BICC1: variants seen among roughly 807,000 people sequenced by gnomAD.
BICC1 encodes the protein BicC family RNA binding protein 1.
In BICC1, 43 loss-of-function variants were observed where a neutral mutation model predicts 111.0. The observed-to-expected ratio is 0.39, with a 90% confidence interval of 0.30 to 0.50. BICC1 has a LOEUF of 0.50. Ranked by LOEUF, BICC1 falls within the 20% of genes least tolerant of loss-of-function variation. The pLI is 0.88. For synonymous variants in BICC1, 467 were observed against 434.4 expected, an observed-to-expected ratio of 1.07 and a Z score of -0.93; for missense variants, 1,091 against 1,203.2, an observed-to-expected ratio of 0.91 and a Z score of 1.38.
intron 1 of BICC1, among the ~76,000 whole-genome samples, chr10:58,535,084 A>G (rs1439175736): frequency 6.6e-6 from 1 of 151,776 alleles, no homozygotes; most frequent in Non-Finnish European, 1.5e-5. Flanking sequence ...TCCAAGAAAT[A>G]TGGGATTATG....
intron 1 of BICC1, among the ~76,000 whole-genome samples, chr10:58,546,409 G>T (rs1843138064): frequency 6.6e-6 from 1 of 152,172 alleles, no homozygotes; most frequent in Non-Finnish European, 1.5e-5. Context: ...AAACCAAGTG[G>T]TAGAAATTTG....
intron 2 of BICC1, among the ~76,000 whole-genome samples, chr10:58,672,737 C>A (rs1160178503): frequency 6.6e-6 from 1 of 152,166 alleles, no homozygotes; most frequent in South Asian, 2.1e-4. Flanking sequence ...TAAATGAATG[C>A]TCAGTGATAA....
chr10:58,801,200 A>G (rs1041393239), intron 14 of BICC1, among the ~76,000 whole-genome samples, 154 bp downstream of exon 14: 1 of 152,142 alleles, frequency 6.6e-6, no homozygotes, highest in Non-Finnish European at 1.5e-5. Flanking sequence ...TTAAGGAATA[A>G]TATCTGTTAA....
Position 58,670,681 on chromosome 10 carries a change from A to G in BICC1, c.238-31393A>G, listed in dbSNP as rs74629847. On this transcript the variant is annotated intron_variant, in intron 2 of 20. Transcript: ENST00000373886. ...AAAGATATACATTTAGATGAGCTCA[A>G]TTTTGAACATTCTGATTTTTAAGTT... 9.9e-3 allele frequency among the ~76,000 whole-genome samples: 1,515 copies of G among 152,302 alleles called. 11 individuals are homozygous for G. The highest frequency in any genetic ancestry group is 0.024 in the Middle Eastern group (7 of 294).
intron 2 of BICC1, among the ~76,000 whole-genome samples, chr10:58,657,893 G>A (rs1022784119): frequency 3.6e-4 from 55 of 152,064 alleles, no homozygotes; most frequent in Non-Finnish European, 3.8e-4. Context: ...CAGTTGATAT[G>A]TCTTCAGTTG....
At chr10:58,543,513 C>T (rs1040955646) in intron 1 of BICC1, among the ~76,000 whole-genome samples, 1 of 151,952 alleles carries the variant, frequency 6.6e-6, no homozygotes, top group African/African-American at 2.4e-5. Flanking sequence ...GTTACTCCTC[C>T]CATCCCACTT....
chr10:58,759,726 G>C (rs1049484537), intron 3 of BICC1, among the ~76,000 whole-genome samples: 1 of 152,072 alleles, frequency 6.6e-6, no homozygotes, highest in Non-Finnish European at 1.5e-5. Flanking sequence ...TTGGGAGGCC[G>C]AGGCGGGTGG....
At chr10:58,786,604 A>G (rs1843017528) in intron 4 of BICC1, among the ~76,000 whole-genome samples, 1 of 152,222 alleles carries the variant, frequency 6.6e-6, no homozygotes, top group Non-Finnish European at 1.5e-5. Flanking sequence ...TTCGTGAATA[A>G]TGTCTTTAAA....
chr10:58,757,265 T>C (rs982554281), intron 3 of BICC1, among the ~76,000 whole-genome samples: 3 of 152,226 alleles, frequency 2.0e-5, no homozygotes, highest in Admixed American at 6.5e-5. Context: ...TGTTCATGAG[T>C]ATGTGAACAT....
At chr10:58,676,224 C>T (rs143355006) in intron 2 of BICC1, among the ~76,000 whole-genome samples, 92 of 152,262 alleles carry the variant, frequency 6.0e-4, no homozygotes, top group African/African-American at 2.0e-3. Flanking sequence ...GAACTAGCTG[C>T]AGGAGTGTTT....
intron 2 of BICC1, among the ~76,000 whole-genome samples, chr10:58,639,450 A>C (rs560652406): frequency 2.1e-5 from 3 of 146,260 alleles, no homozygotes; most frequent in Non-Finnish European, 4.5e-5. Flanking sequence ...GCTGGAGTGC[A>C]GTGGTGCAAT....
Position 58,513,069 on chromosome 10 carries a change from C to G in BICC1, c.-75C>G. 1.7e-6 allele frequency: 2 copies of G among 1,198,356 alleles called. No homozygotes were observed. The highest frequency in any genetic ancestry group is 3.4e-5 in the East Asian group (1 of 29,370). 74.2% of individuals were successfully genotyped at this position (1,198,356 alleles called of 1,614,324 possible). On this transcript the variant is annotated 5_prime_UTR_variant, in exon 1 of 21. Transcript: ENST00000373886. ...GCCGCGGCGCTGGGAGCCAGTTGAG[C>G]CCGGCCGGCGAGCGGAGGCGGCAGC... is the stretch of plus-strand genomic sequence containing the variant.
At chr10:58,614,318 A>G (rs536900009) in intron 1 of BICC1, among the ~76,000 whole-genome samples, 1 of 152,094 alleles carries the variant, frequency 6.6e-6, no homozygotes. Flanking sequence ...GGGACTCAAC[A>G]CCGTTTGCAC....
chr10:58,658,797 G>T (rs1052985850), intron 2 of BICC1, among the ~76,000 whole-genome samples: 2 of 151,976 alleles, frequency 1.3e-5, no homozygotes, highest in African/African-American at 4.8e-5. Context: ...CATTTTCCTG[G>T]TTTCTGGCAC....
rs868464345 is a variant in BICC1, at chr10:58,584,854, A to G, written c.191-36001A>G. Among the ~76,000 whole-genome samples the G allele has an allele frequency of 1.3e-3, 204 of 152,208 alleles. 1 individual carries two copies. Among genetic ancestry groups the G allele is most frequent in the African/African-American group, 4.6e-3 (191 of 41,538 alleles). On this transcript the variant is annotated intron_variant, in intron 1 of 20. Coordinates refer to ENST00000373886, the MANE Select transcript of BICC1 (RefSeq NM_001080512.3). ...GTTATACAACATTTTTTGAAAAAAC[A>G]TGAGTGCGGAAGAGTTTTACAAAGA...
In BICC1 at chr10:58,513,233, C is replaced by T. The variant is rs767944242; in HGVS notation, c.90C>T (p.Gly30=). 10 of 1,612,798 alleles carry T rather than the reference C, an allele frequency of 6.2e-6. No homozygotes were observed. The highest frequency in any genetic ancestry group is 8.5e-6 in the Non-Finnish European group (10 of 1,179,628). The part of the protein sequence containing the change: ...SERSTDSPVP[G]SEDDLVAGAT... ...GCAGCACCGACTCCCCAGTGCCCGG[C>T]TCCGAGGACGACTTGGTCGCCGGGG... The change falls in exon 1 of 21, where the codon GGC becomes GGT. Residue 30 remains glycine, a synonymous_variant. Coordinates refer to ENST00000373886, the MANE Select transcript of BICC1 (RefSeq NM_001080512.3).
chr10:58,798,420 T>C lies in BICC1; in HGVS notation c.1388T>C (p.Leu463Ser), dbSNP rs201484208. Residue 463 changes from leucine (L) to serine (S), a missense_variant, in exon 11 of 21, where the codon TTA becomes TCA. Physicochemically the swap from Leu to Ser is moderately radical, Grantham distance 145. This residue lies in a region of BICC1 where 843 missense variants were observed against 900.8 expected (regional missense o/e 0.94). Coordinates refer to ENST00000373886, the MANE Select transcript of BICC1 (RefSeq NM_001080512.3). ...TGLGLLGPTT[L>S]SLNTSTTPNS... ...ACAGGTCTTTTGGGACCCACCACCTTATCTCTGAACACTTCAACAACCCCA... is the reference window on the plus strand; with the variant it reads ...ACAGGTCTTTTGGGACCCACCACCTCATCTCTGAACACTTCAACAACCCCA... The C allele has an allele frequency of 9.4e-6, 15 of 1,600,538 alleles. No individual in the cohort carries two copies. Among genetic ancestry groups the C allele is most frequent in the Non-Finnish European group, 1.2e-5 (14 of 1,174,862 alleles).
At chr10:58,603,783 C>T (rs1479251277) in intron 1 of BICC1, among the ~76,000 whole-genome samples, 5 of 151,996 alleles carry the variant, frequency 3.3e-5, no homozygotes. Flanking sequence ...TAGTTATTAT[C>T]AGGAGTGGGA....
intron 1 of BICC1, among the ~76,000 whole-genome samples, chr10:58,547,680 G>C (rs978713715): frequency 8.1e-6 from 1 of 123,422 alleles, no homozygotes; most frequent in Non-Finnish European, 1.9e-5. Context: ...ATGTATGTAT[G>C]TCAGTATGGA....
Sources: allele counts gnomAD v4.1 joint callset (sites outside exome capture counted in the v4.1 genomes callset), GRCh38; gene constraint gnomAD v4.1.1; regional missense constraint gnomAD v4.1.1; transcripts MANE v1.5; gene names NCBI Gene and HGNC (gene_info 2026-07-23, HGNC 2026-07-21).